Variants in LPP observed in about 807,000 individuals in gnomAD.
LPP encodes lipoma-preferred partner.
LPP carries 38 observed loss-of-function variants against 60.4 expected under a neutral mutation model. The observed-to-expected ratio is 0.63, with a 90% CI of 0.49 to 0.83. The LOEUF (loss-of-function observed/expected upper bound fraction) is 0.83. LPP is among the 40% of genes least tolerant of loss of function. The pLI is 0.00. For synonymous variants in LPP, 328 were observed against 290.8 expected (o/e 1.13, Z -1.30); for missense variants, 902 against 783.6 (o/e 1.15, Z -1.80).
chr3:188,245,469 C>T (rs1400130246), intron 2 of LPP, among the ~76,000 whole-genome samples: 1 of 152,146 alleles, frequency 6.6e-6, no homozygotes, highest in Non-Finnish European at 1.5e-5. Flanking sequence ...GGCCCAGAGC[C>T]ATTAGCAGAG....
At chr3:188,769,099 T>C (rs912431934) in intron 9 of LPP, among the ~76,000 whole-genome samples, 1 of 151,970 alleles carries the variant, frequency 6.6e-6, no homozygotes, top group African/African-American at 2.4e-5. Flanking sequence ...ACAGAAGCAA[T>C]AAAAAATATA....
intron 6 of LPP, among the ~76,000 whole-genome samples, chr3:188,546,547 G>T (rs1348041857): frequency 6.6e-6 from 1 of 152,084 alleles, no homozygotes; most frequent in Non-Finnish European, 1.5e-5. Flanking sequence ...GTTTATATTG[G>T]CCTTAATGAT....
At chr3:188,745,124 TTCTTATATGACTC>T (rs1376282829) in intron 8 of LPP, among the ~76,000 whole-genome samples, 2 of 152,110 alleles carry the variant, frequency 1.3e-5, no homozygotes, top group Admixed American at 1.3e-4. Flanking sequence ...ATTAATAGCT[TTCTTATATGACTC>T]TCAAGATATT....
chr3:188,755,805 G>GA (rs1482599629), intron 8 of LPP, among the ~76,000 whole-genome samples: 1 of 55,254 alleles, frequency 1.8e-5, no homozygotes, highest in African/African-American at 7.9e-5. Context: ...GTGAGATCCT[G>GA]TCACAAAAAA....
intron 9 of LPP, among the ~76,000 whole-genome samples, chr3:188,796,293 T>C (rs1353115479): frequency 1.3e-5 from 2 of 152,130 alleles, no homozygotes; most frequent in Non-Finnish European, 2.9e-5. Context: ...AAGGCCAGTG[T>C]GGTCAGAGCT....
In LPP at chr3:188,463,829, C is replaced by T. The variant is rs555499802; in HGVS notation, c.194-20763C>T. On this transcript the variant is annotated intron_variant, in intron 4 of 11. Coordinates refer to ENST00000617246, the MANE Select transcript of LPP (RefSeq NM_001375462.1). ...AGTGTCTGTTCGGTACTAGGATCTCCTGAGAAACCCTTGCATCCTTTATGT... is the reference window on the plus strand; with the variant it reads ...AGTGTCTGTTCGGTACTAGGATCTCTTGAGAAACCCTTGCATCCTTTATGT... 1.2e-4 allele frequency among the ~76,000 whole-genome samples: 18 copies of T among 152,250 alleles called. No homozygotes were observed. The South Asian group carries it at 3.5e-3, about 30-fold the overall frequency.
chr3:188,851,873 G>A (rs996911714), intron 9 of LPP, among the ~76,000 whole-genome samples: 1 of 152,176 alleles, frequency 6.6e-6, no homozygotes, highest in Non-Finnish European at 1.5e-5. Flanking sequence ...AAATTTGATA[G>A]CATCTTGGGC....
chr3:188,375,879 T>C lies in LPP; in HGVS notation c.-9-30233T>C, dbSNP rs562212573. Among the ~76,000 whole-genome samples the C allele has an allele frequency of 2.0e-4, 30 of 152,322 alleles. 3 individuals are homozygous for C. Among genetic ancestry groups the C allele is most frequent in the South Asian group, 8.3e-4 (4 of 4,826 alleles). The stretch of plus-strand genomic sequence containing the variant: ...TTCCCTCTACACACTGCTTTGAATG[T>C]GTCCCAGAGATTCTGGTATGTTGTG... On this transcript the variant is annotated intron_variant, in intron 3 of 11. Coordinates refer to ENST00000617246, the MANE Select transcript of LPP (RefSeq NM_001375462.1).
At chr3:188,777,742 T>A (rs1358634980) in intron 9 of LPP, among the ~76,000 whole-genome samples, 1 of 152,178 alleles carries the variant, frequency 6.6e-6, no homozygotes, top group Non-Finnish European at 1.5e-5. Context: ...ATACTGGTGA[T>A]TTTTTCTCTC....
intron 1 of LPP, among the ~76,000 whole-genome samples, chr3:188,189,115 C>T (rs978951743): frequency 6.6e-6 from 1 of 152,042 alleles, no homozygotes; most frequent in African/African-American, 2.4e-5. Flanking sequence ...AGACAGGGTC[C>T]CACTCTGTCA....
intron 2 of LPP, among the ~76,000 whole-genome samples, chr3:188,280,622 G>A (rs1254904805): frequency 2.0e-5 from 3 of 151,516 alleles, no homozygotes; most frequent in Non-Finnish European, 4.4e-5. Flanking sequence ...TGATTTCATT[G>A]TGATTCCAGT....
chr3:188,575,726 T>C (rs1171080112), intron 6 of LPP, among the ~76,000 whole-genome samples: 1 of 152,154 alleles, frequency 6.6e-6, no homozygotes, highest in Non-Finnish European at 1.5e-5. Context: ...AAGCCAATTA[T>C]AGCACCACCG....
chr3:188,222,184 CA>C (rs1007688330), intron 1 of LPP, among the ~76,000 whole-genome samples: 3 of 151,926 alleles, frequency 2.0e-5, no homozygotes, highest in African/African-American at 7.3e-5. Flanking sequence ...GCTTTTAAAG[CA>C]AAGTACTTAG....
In LPP at chr3:188,518,768, A is replaced by G. The variant is rs140042948; in HGVS notation, c.307-5897A>G. Among the ~76,000 whole-genome samples the G allele has an allele frequency of 8.1e-4, 123 of 152,322 alleles. No individual in the cohort carries two copies. In the East Asian group the frequency reaches 0.014, roughly 17 times the overall value. On this transcript the variant is annotated intron_variant, in intron 5 of 11. Transcript: ENST00000617246. Reference sequence around the variant, plus strand: ...TGGGCATTGGATCTAATTCTAGTATATAAACATCCAAGGGTGGAGACTGTT... The same window carrying G: ...TGGGCATTGGATCTAATTCTAGTATGTAAACATCCAAGGGTGGAGACTGTT...
intron 6 of LPP, among the ~76,000 whole-genome samples, chr3:188,595,484 C>G (rs1839812223): frequency 6.6e-6 from 1 of 152,158 alleles, no homozygotes; most frequent in African/African-American, 2.4e-5. Flanking sequence ...TCCCCTTGCT[C>G]TGCCATGGAG....
chr3:188,738,958 G>T (rs985366099), intron 8 of LPP, among the ~76,000 whole-genome samples: 5 of 152,026 alleles, frequency 3.3e-5, no homozygotes, highest in African/African-American at 4.8e-5. Context: ...CCAATTTGAA[G>T]TCTTTCTAAT....
intron 3 of LPP, among the ~76,000 whole-genome samples, chr3:188,349,422 C>A (rs1290248010): frequency 6.6e-6 from 1 of 152,156 alleles, no homozygotes; most frequent in Non-Finnish European, 1.5e-5. Context: ...TGCCAATATG[C>A]CTTTGCTGTC....
At chr3:188,428,594 A>ATT (rs138669629) in intron 4 of LPP, among the ~76,000 whole-genome samples, 29,685 of 98,644 alleles carry the variant, frequency 0.3, 3,451 homozygotes, top group South Asian at 0.43. Context: ...ATATATATAT[A>ATT]TATTTTTTTT....
chr3:188,569,074 G>A (rs377569684), intron 6 of LPP: 5 of 151,824 alleles, frequency 3.3e-5, no homozygotes, highest in East Asian at 1.9e-4. Context: ...GAAGATTTGC[G>A]TGAAAGAATG....
Sources: gnomAD v4.1 joint callset for allele counts (sites outside exome capture counted in the v4.1 genomes callset) on GRCh38, gnomAD v4.1.1 for gene constraint, MANE v1.5 for transcripts, NCBI Gene and HGNC (gene_info 2026-07-23, HGNC 2026-07-21) for gene names.